Variants in PCDHA7 observed in about 807,000 individuals in gnomAD.
PCDHA7 encodes protocadherin alpha 7.
PCDHA7 carries 37 observed loss-of-function variants against 57.2 expected under a neutral mutation model. The observed-to-expected ratio is 0.65, with a 90% confidence interval of 0.50 to 0.85. The LOEUF (loss-of-function observed/expected upper bound fraction) is 0.85, where lower values mean the gene tolerates loss of function less well. Among genes scored for constraint, PCDHA7 ranks in the 40% least tolerant of loss-of-function variants. The pLI, the probability that PCDHA7 is intolerant of heterozygous loss-of-function variation, is 0.00. For missense variants in PCDHA7, 1,188 were observed against 1,241.8 expected, an observed-to-expected ratio of 0.96 and a Z score of 0.65; for synonymous variants, 553 against 558.8, an observed-to-expected ratio of 0.99 and a Z score of 0.15.
At chr5:140,876,334 A>G (rs782377581) in intron 1 of PCDHA7, 3 of 1,613,912 alleles carry the variant, frequency 1.9e-6, no homozygotes, top group African/African-American at 1.3e-5. Flanking sequence ...TTTGCCAGTG[A>G]GTGAGAAATG....
chr5:140,985,878 T>A (rs891027308), intron 3 of PCDHA7, among the ~76,000 whole-genome samples: 1 of 151,822 alleles, frequency 6.6e-6, no homozygotes, highest in South Asian at 2.1e-4. Flanking sequence ...TAGCTGGGAC[T>A]ACAGGCGCCC....
intron 1 of PCDHA7, among the ~76,000 whole-genome samples, chr5:140,921,757 T>C (rs1361449960): frequency 6.6e-6 from 1 of 152,122 alleles, no homozygotes; most frequent in Non-Finnish European, 1.5e-5. Context: ...GGACACTTCT[T>C]GGCTACTATT....
intron 1 of PCDHA7, among the ~76,000 whole-genome samples, chr5:140,923,449 G>A (rs189150090): frequency 6.6e-6 from 1 of 152,166 alleles, no homozygotes; most frequent in African/African-American, 2.4e-5. Flanking sequence ...GATCACCTGA[G>A]CCCAGAGAGG....
At chr5:140,926,703 C>A in intron 1 of PCDHA7, 2 of 835,416 alleles carry the variant, frequency 2.4e-6, no homozygotes, top group Non-Finnish European at 3.4e-6. Context: ...CGGCTCCCAG[C>A]TGGCCAGCCC....
At chr5:140,857,890 G>A in intron 1 of PCDHA7, 3 of 1,597,852 alleles carry the variant, frequency 1.9e-6, no homozygotes, top group Non-Finnish European at 2.6e-6. Context: ...AGTCGGCGGC[G>A]GTTGGTGCAC....
In PCDHA7 at chr5:140,849,990, T is replaced by C. The variant is rs2150462015; in HGVS notation, c.2355+13252T>C. On this transcript the variant is annotated intron_variant, in intron 1 of 3. Coordinates refer to ENST00000525929, the MANE Select transcript of PCDHA7 (RefSeq NM_018910.3). ...GTCCTACTCGCTGGTGGAGCGGCGG[T>C]TGGGCGAGCGCTCGCTGTCGAGCTA... 88 of 1,596,734 alleles carry C rather than the reference T, an allele frequency of 5.5e-5. 7 individuals carry two copies. Among genetic ancestry groups the C allele is most frequent in the Non-Finnish European group, 6.9e-5 (80 of 1,167,720 alleles).
chr5:140,909,343 C>G (rs148713510), intron 1 of PCDHA7, among the ~76,000 whole-genome samples: 2 of 152,264 alleles, frequency 1.3e-5, no homozygotes, highest in African/African-American at 4.8e-5. Context: ...ATACCAGGTA[C>G]CAAGAGATGT....
chr5:140,876,922 G>C (rs1554169106), intron 1 of PCDHA7: 6 of 1,613,906 alleles, frequency 3.7e-6, no homozygotes, highest in African/African-American at 2.7e-5. Context: ...GGACGCGGAC[G>C]CGCAGAAGAA....
rs1562346657 is a variant in PCDHA7, at chr5:140,835,553, GC to G, written c.1174del (p.Arg392AlafsTer57). 4 of 1,613,754 alleles carry G rather than the reference GC, an allele frequency of 2.5e-6. No homozygotes were observed. Among genetic ancestry groups the G allele is most frequent in the Non-Finnish European group, 3.4e-6 (4 of 1,179,858 alleles). On this transcript the variant is annotated frameshift_variant, in exon 1 of 4. Transcript: ENST00000525929. LOFTEE classifies it high-confidence loss of function. ...VNGQVTCSLT[P>X]RVPFKLVSTF... is the part of the protein sequence containing the mutation. ...ACGGACAGGTTACCTGCTCCCTGAC[GC>G]CCCGCGTTCCCTTCAAGTTGGTGTC...
chr5:140,953,444 G>C (rs2094887278), intron 1 of PCDHA7, among the ~76,000 whole-genome samples: 1 of 152,088 alleles, frequency 6.6e-6, no homozygotes, highest in South Asian at 2.1e-4. Context: ...GGAGAAACTA[G>C]GGATTATCTG....
chr5:140,964,338 G>T (rs2153739261), intron 1 of PCDHA7, among the ~76,000 whole-genome samples: 1 of 152,320 alleles, frequency 6.6e-6, no homozygotes, highest in South Asian at 2.1e-4. Flanking sequence ...AACCTGGCAG[G>T]TGTCCTTGCT....
intron 1 of PCDHA7, chr5:140,967,401 G>T (rs374310490): frequency 1.2e-6 from 2 of 1,611,944 alleles, no homozygotes; most frequent in Non-Finnish European, 1.7e-6. Flanking sequence ...CTGGTGCTGC[G>T]TAAGGGCCTA....
At chr5:140,903,351 A>G (rs2070226814) in intron 1 of PCDHA7, among the ~76,000 whole-genome samples, 1 of 152,236 alleles carries the variant, frequency 6.6e-6, no homozygotes, top group Non-Finnish European at 1.5e-5. Context: ...TTTAAAAAAC[A>G]AGTTTTTCAA....
chr5:140,888,764 T>A (rs74654123), intron 1 of PCDHA7, among the ~76,000 whole-genome samples: 4 of 152,186 alleles, frequency 2.6e-5, no homozygotes, highest in East Asian at 3.9e-4. Context: ...CTTTTTTTTT[T>A]AATTTTGAAG....
At chr5:140,856,691 G>A (rs2044151456) in intron 1 of PCDHA7, 1 of 1,596,420 alleles carries the variant, frequency 6.3e-7, no homozygotes, top group African/African-American at 1.3e-5. Context: ...GACAGCAACT[G>A]ATGGAGGCAA....
At chr5:140,955,183 G>A (rs556157825) in intron 1 of PCDHA7, among the ~76,000 whole-genome samples, 1 of 152,122 alleles carries the variant, frequency 6.6e-6, no homozygotes, top group South Asian at 2.1e-4. Flanking sequence ...GTAGTTTTGT[G>A]GTGTATATGA....
chr5:141,010,260 C>T lies in PCDHA7; in HGVS notation c.*323C>T, dbSNP rs906685521. The stretch of plus-strand genomic sequence containing the variant: ...GAGAGGTTGGACTCTCTGCCCTGTG[C>T]TCCGGGGATCCTGTCTTGATGACAC... On this transcript the variant is annotated 3_prime_UTR_variant, in exon 4 of 4. Transcript: ENST00000525929. 6.4e-7 allele frequency: 1 copy of T among 1,551,674 alleles called. No individual in the cohort carries two copies. The highest frequency in any genetic ancestry group is 1.4e-5 in the African/African-American group (1 of 73,028).
rs2150223480 is a variant in PCDHA7 at position 140,834,653 on chromosome 5, C to A, written c.270C>A (p.Ile90=). 5.0e-6 allele frequency: 8 copies of A among 1,614,072 alleles called. No individual in the cohort carries two copies. The Admixed American group carries it at 1.3e-4, about 27-fold the overall frequency. The change falls in exon 1 of 4, where the codon ATC becomes ATA. Residue 90 remains isoleucine (I), a synonymous_variant. Coordinates refer to ENST00000525929, the MANE Select transcript of PCDHA7 (RefSeq NM_018910.3). The stretch of plus-strand genomic sequence containing the variant: ...GCATTTTGTTTGTGAATTCTCGGAT[C>A]GACCGCGAGGAGCTGTGCGGGCGGA... ...QNGILFVNSR[I]DREELCGRSA...
intron 1 of PCDHA7, chr5:140,877,772 C>T (rs372461540): frequency 9.3e-6 from 15 of 1,614,150 alleles, no homozygotes; most frequent in Non-Finnish European, 1.2e-5. Context: ...CCGCCCAAGA[C>T]GGACCTCATG....
Sources: allele counts gnomAD v4.1 joint callset (sites outside exome capture counted in the v4.1 genomes callset), GRCh38; gene constraint gnomAD v4.1.1; transcripts MANE v1.5; gene names NCBI Gene and HGNC (gene_info 2026-07-23, HGNC 2026-07-21).